Variants in ADAP1 observed in about 807,000 individuals in gnomAD.
ADAP1 encodes arf-GAP with dual PH domain-containing protein 1.
ADAP1 carries 31 observed loss-of-function variants against 54.9 expected under a neutral mutation model. That is an observed-to-expected ratio of 0.56 (90% CI 0.42 to 0.76). ADAP1 has a LOEUF of 0.76. Among genes scored for constraint, ADAP1 ranks in the 30% least tolerant of loss-of-function variants. ADAP1 has a pLI of 0.00. For missense variants in ADAP1, 535 were observed against 512.4 expected (o/e 1.04, Z -0.42); for synonymous variants, 313 against 202.6 (o/e 1.55, Z -4.63).
chr7:919,885 G>T (rs1309248170), intron 4 of ADAP1, 83 bp downstream of exon 4: 2 of 814,524 alleles, frequency 2.5e-6, no homozygotes, highest in African/African-American at 2.1e-5. Flanking sequence ...AGAGATGGGG[G>T]AGGGAGGGAA....
intron 4 of ADAP1, among the ~76,000 whole-genome samples, chr7:906,923 G>C (rs1390060774): frequency 6.6e-6 from 1 of 151,932 alleles, no homozygotes; most frequent in Admixed American, 6.5e-5. Flanking sequence ...GGATGAGCGG[G>C]ACTCCAGCTG....
At chr7:913,205 T>C (rs1255631107) in intron 4 of ADAP1, among the ~76,000 whole-genome samples, 1 of 146,254 alleles carries the variant, frequency 6.8e-6, no homozygotes, top group East Asian at 2.0e-4. Context: ...TTCCTTTTTT[T>C]TTTTTTTTTT....
rs546274301 is a variant in ADAP1 at position 903,996 on chromosome 7, C to T, written c.648+130G>A. The stretch of plus-strand genomic sequence containing the variant: ...TCCCACGCTGCCCAGCCCGACTTCC[C>T]GCCTTCTCATGCCGCCTAGCTCAAG... On this transcript the variant is annotated intron_variant, in intron 6 of 10. Transcript: ENST00000265846. 524 of 1,278,922 alleles carry T rather than the reference C, an allele frequency of 4.1e-4. 2 individuals are homozygous for T. Among genetic ancestry groups the T allele is most frequent in the South Asian group, 3.9e-3 (268 of 67,956 alleles). The allele number at this position is 1,278,922 out of a possible 1,614,324, so 79.2% of individuals were successfully genotyped here. A position where few individuals can be genotyped will look rare whatever the true frequency, so the allele number is the denominator to read the frequency against.
At chr7:906,790 ACGGGACAGGGGACATGGG>A (rs1845468090) in intron 4 of ADAP1, among the ~76,000 whole-genome samples, 1 of 14,438 alleles carries the variant, frequency 6.9e-5, no homozygotes, top group African/African-American at 5.1e-4. Flanking sequence ...GACACGGGGG[ACGGGACAGGGGACATGGG>A]GGGACATGGG....
At chr7:935,146 C>T (rs1213711230) in intron 2 of ADAP1, 1 of 683,240 alleles carries the variant, frequency 1.5e-6, no homozygotes. Context: ...ACCACACACA[C>T]CTGGAGCTGC....
At chr7:954,273 C>A in intron 1 of ADAP1, 123 bp downstream of exon 1, 1 of 914,178 alleles carries the variant, frequency 1.1e-6, no homozygotes, top group Non-Finnish European at 1.3e-6. Flanking sequence ...CGGTGTTCAG[C>A]GCCGCCACCC....
intron 6 of ADAP1, chr7:900,922 C>T: frequency 1.7e-6 from 1 of 572,002 alleles, no homozygotes; most frequent in Non-Finnish European, 3.4e-6. Context: ...TCGGGGGCTG[C>T]CATCCAAGCT....
intron 10 of ADAP1, 24 bp downstream of exon 10, chr7:899,009 C>T (rs1332424803): frequency 1.2e-6 from 2 of 1,609,366 alleles, no homozygotes; most frequent in Non-Finnish European, 1.7e-6. Flanking sequence ...CCCTTCCAGG[C>T]CGCCGGCCGC....
chr7:901,325 C>A (rs11768769), intron 6 of ADAP1: 1 of 253,742 alleles, frequency 3.9e-6, no homozygotes, highest in Non-Finnish European at 7.9e-6. Flanking sequence ...TTATAACCTG[C>A]GCCCTGGGCC....
chr7:908,345 T>C (rs2128099589), intron 4 of ADAP1, among the ~76,000 whole-genome samples: 1 of 152,094 alleles, frequency 6.6e-6, no homozygotes, highest in Middle Eastern at 3.4e-3. Context: ...ATGCAAGCCA[T>C]AAAACGCCTG....
chr7:929,514 CAAA>C (rs71020548), intron 2 of ADAP1, among the ~76,000 whole-genome samples: 2 of 89,408 alleles, frequency 2.2e-5, no homozygotes. Flanking sequence ...CACCCTGTCT[CAAA>C]AAAAAAAAAA....
At chr7:942,644 AAGAGGAGGAAGGG>A (rs376522702) in intron 1 of ADAP1, among the ~76,000 whole-genome samples, 1 of 13,272 alleles carries the variant, frequency 7.5e-5, no homozygotes. Context: ...GAGGAGGAGG[AAGAGGAGGAAGGG>A]AGAGAGGATG....
chr7:913,418 G>C (rs1845804446), intron 4 of ADAP1, among the ~76,000 whole-genome samples: 1 of 151,598 alleles, frequency 6.6e-6, no homozygotes, highest in African/African-American at 2.4e-5. Flanking sequence ...AGCCAGGATG[G>C]TCTTGATCTC....
chr7:919,451 A>T (rs1846071825), intron 4 of ADAP1, among the ~76,000 whole-genome samples: 1 of 151,908 alleles, frequency 6.6e-6, no homozygotes, highest in African/African-American at 2.4e-5. Flanking sequence ...CAGAGGGCAA[A>T]ACAGGTCCGG....
intron 1 of ADAP1, among the ~76,000 whole-genome samples, 157 bp downstream of exon 1, chr7:954,239 C>A (rs867868636): frequency 3.3e-5 from 5 of 151,370 alleles, no homozygotes; most frequent in South Asian, 2.1e-4. Flanking sequence ...CGGGCCCGGG[C>A]CCCATCCGAG....
chr7:920,928 G>A lies in ADAP1; in HGVS notation c.306-878C>T. On this transcript the variant is annotated intron_variant, in intron 3 of 10. Coordinates refer to ENST00000265846, the MANE Select transcript of ADAP1 (RefSeq NM_006869.4). This position sits in a 1 kb window ranked among gnomAD's most constrained non-coding sequence, Gnocchi z 4.5. Reference sequence around the variant, plus strand: ...AATAGGAACCCTGTGGCTTCCTGCTGGGCCCACGTGAACAGCCTTGGAGAC... The same window carrying A: ...AATAGGAACCCTGTGGCTTCCTGCTAGGCCCACGTGAACAGCCTTGGAGAC... The A allele has an allele frequency of 6.8e-7, 1 of 1,480,614 alleles. No individual in the cohort carries two copies. Among genetic ancestry groups the A allele is most frequent in the Non-Finnish European group, 9.2e-7 (1 of 1,087,200 alleles). 91.7% of individuals were successfully genotyped at this position (1,480,614 alleles called of 1,614,324 possible).
rs1361451190 is a variant in ADAP1 at position 906,592 on chromosome 7, AGGAGAAG to A, written c.389-1427_389-1421del. On this transcript the variant is annotated intron_variant, in intron 4 of 10. Transcript: ENST00000265846. ...GAGAAAGGGAAAGGAGAAAGGAGAA[AGGAGAAG>A]GGAGAAAGGGAGAAAGGGAAAGGAG... Among the ~76,000 whole-genome samples the A allele has an allele frequency of 1.1e-4, 3 of 27,256 alleles. 1 individual carries two copies. Among genetic ancestry groups the A allele is most frequent in the Non-Finnish European group, 2.0e-4 (3 of 14,716 alleles). The allele number at this position is 27,256 out of a possible 152,430, so 17.9% of individuals were successfully genotyped here. A position where few individuals can be genotyped will look rare whatever the true frequency, so the allele number is the denominator to read the frequency against.
chr7:909,799 C>T (rs1283350196), intron 4 of ADAP1, among the ~76,000 whole-genome samples: 2 of 152,160 alleles, frequency 1.3e-5, no homozygotes, highest in East Asian at 1.9e-4. Flanking sequence ...AAACAGCTAC[C>T]GCGTGCCGCG....
At chr7:907,928 C>T (rs78965157) in intron 4 of ADAP1, among the ~76,000 whole-genome samples, 4,721 of 151,908 alleles carry the variant, frequency 0.031, 92 homozygotes, top group Non-Finnish European at 0.049. Context: ...GCCGAGCATC[C>T]GTGGCCCCTC....
Sources: allele counts gnomAD v4.1 joint callset (sites outside exome capture counted in the v4.1 genomes callset), GRCh38; gene constraint gnomAD v4.1.1; non-coding constraint Gnocchi (gnomAD v3.1); transcripts MANE v1.5; gene names NCBI Gene and HGNC (gene_info 2026-07-23, HGNC 2026-07-21).